Variants in TRIM36 observed in about 807,000 individuals in gnomAD.
TRIM36 encodes tripartite motif containing 36, also known as E3 ubiquitin-protein ligase TRIM36.
A neutral mutation model predicts 72.4 loss-of-function variants in TRIM36; 42 were observed. The ratio of observed to expected loss-of-function variants is 0.58; its 90% confidence interval spans 0.45 to 0.75. The LOEUF is 0.75. Ranked by LOEUF, TRIM36 falls within the 30% of genes least tolerant of loss-of-function variation. TRIM36 has a pLI of 0.00. For synonymous variants in TRIM36, 315 were observed against 282.8 expected, an observed-to-expected ratio of 1.11 and a Z score of -1.14; for missense variants, 913 against 857.1, an observed-to-expected ratio of 1.07 and a Z score of -0.81.
intron 7 of TRIM36, 75 bp from the exon 8 acceptor site, chr5:115,134,222 G>A: frequency 7.3e-7 from 1 of 1,361,438 alleles, no homozygotes; most frequent in Non-Finnish European, 9.7e-7. Flanking sequence ...TCAATAAAAT[G>A]ACATATAAAC....
chr5:115,160,687 T>C (rs1279668187), intron 2 of TRIM36, among the ~76,000 whole-genome samples: 1 of 152,106 alleles, frequency 6.6e-6, no homozygotes, highest in Non-Finnish European at 1.5e-5. Context: ...AAAAAAATTT[T>C]TTAATTAGCA....
intron 1 of TRIM36, 56 bp from the exon 2 acceptor site, chr5:115,163,808 T>G: frequency 1.6e-6 from 2 of 1,277,042 alleles, no homozygotes; most frequent in Non-Finnish European, 2.3e-6. Context: ...ATATTAACAT[T>G]CTTATACCTC....
chr5:115,177,879 AAG>A (rs1230389113), intron 1 of TRIM36: 5 of 1,613,744 alleles, frequency 3.1e-6, no homozygotes, highest in Admixed American at 3.3e-5. Context: ...AAGCCTAGTG[AAG>A]AGAGAGACAG....
intron 2 of TRIM36, among the ~76,000 whole-genome samples, chr5:115,160,912 C>T (rs1003003213): frequency 6.6e-6 from 1 of 151,964 alleles, no homozygotes; most frequent in Admixed American, 6.5e-5. Flanking sequence ...GAATATTACT[C>T]ATGAATCTAC....
intron 9 of TRIM36, among the ~76,000 whole-genome samples, chr5:115,128,301 G>A (rs1179805482): frequency 6.6e-6 from 1 of 151,006 alleles, no homozygotes; most frequent in Non-Finnish European, 1.5e-5. Flanking sequence ...CCCAGGAGGT[G>A]GAGGTTGTGG....
At chr5:115,140,718 G>T (rs1371129336) in intron 5 of TRIM36, among the ~76,000 whole-genome samples, 1 of 152,102 alleles carries the variant, frequency 6.6e-6, no homozygotes, top group Admixed American at 6.5e-5. Flanking sequence ...TAATCTACCT[G>T]CTGTGTGCAG....
Position 115,147,304 on chromosome 5 carries a change from T to C in TRIM36, c.353A>G (p.Asn118Ser), listed in dbSNP as rs1043868767. 3.1e-6 allele frequency: 5 copies of C among 1,614,206 alleles called. No homozygotes were observed. The highest frequency in any genetic ancestry group is 1.7e-5 in the Admixed American group (1 of 60,024). The change falls in exon 3 of 10, where the codon AAT becomes AGT. Residue 118 changes from asparagine to serine, a missense_variant. Transcript: ENST00000513154. ...HDVDLGERGI[N>S]GLFRNFTLET... is the part of the protein sequence containing the mutation. Reference sequence around the variant, plus strand: ...CAAAGTGAAGTTTCGAAACAGACCATTGATTCCTCGTTCTCCAAGATCCAC... The same window carrying C: ...CAAAGTGAAGTTTCGAAACAGACCACTGATTCCTCGTTCTCCAAGATCCAC...
chr5:115,163,608 C>T lies in TRIM36; in HGVS notation c.172G>A (p.Asp58Asn), dbSNP rs267600321. 30 of 1,614,148 alleles carry T rather than the reference C, an allele frequency of 1.9e-5. No individual in the cohort carries two copies. The South Asian group carries it at 1.9e-4, about 10-fold the overall frequency. ...TGATTGGAGTTGTCTGATCCCACAT[C>T]GTTGAATGAATCATCGAGAGTCAGC... ...LLLTLDDSFN[D>N]VGSDNSNQSS... The change falls in exon 2 of 10, where the codon GAT (aspartate) becomes AAT (asparagine). Residue 58 changes from aspartate (D) to asparagine (N), a missense_variant. Asp to Asn is a conservative substitution (Grantham distance 23). Coordinates refer to ENST00000513154, the MANE Select transcript of TRIM36 (RefSeq NM_001300759.2).
At chr5:115,178,338 C>T (rs1364462819) in intron 1 of TRIM36, among the ~76,000 whole-genome samples, 4 of 152,198 alleles carry the variant, frequency 2.6e-5, no homozygotes, top group Non-Finnish European at 4.4e-5. Flanking sequence ...CTCCCTGCCC[C>T]CTAGCCCCTC....
intron 1 of TRIM36, chr5:115,177,947 T>A: frequency 6.6e-7 from 1 of 1,518,352 alleles, no homozygotes; most frequent in Non-Finnish European, 9.1e-7. Flanking sequence ...GTTTGTGTTT[T>A]TTCATTATAG....
intron 2 of TRIM36, among the ~76,000 whole-genome samples, chr5:115,154,200 AG>A (rs1440668786): frequency 2.6e-5 from 4 of 152,202 alleles, no homozygotes; most frequent in African/African-American, 9.6e-5. Flanking sequence ...CTAAGACGAA[AG>A]TTCACAGCCC....
intron 2 of TRIM36, among the ~76,000 whole-genome samples, chr5:115,151,219 G>A (rs1296857357): frequency 2.6e-5 from 4 of 152,154 alleles, no homozygotes; most frequent in Non-Finnish European, 5.9e-5. Flanking sequence ...TGGCCCTTTG[G>A]ACTGTGTGGG....
chr5:115,147,124 C>A lies in TRIM36; in HGVS notation c.533G>T (p.Gly178Val), dbSNP rs761548160. The change falls in exon 3 of 10, where the codon GGT becomes GTT. Residue 178 changes from glycine to valine, a missense_variant. Transcript: ENST00000513154. ...ATACTCATGTTGAGCTTTTATAGTA[C>A]CCCAAGGGTGATGAATTTTGAAGCA... ...NECFKIHHPWGTIKAQHEYVG... is the reference protein window; with the variant it reads ...NECFKIHHPWVTIKAQHEYVG... 6.2e-7 allele frequency: 1 copy of A among 1,614,152 alleles called. No individual in the cohort carries two copies. Among genetic ancestry groups the A allele is most frequent in the South Asian group, 1.1e-5 (1 of 91,078 alleles).
chr5:115,169,539 A>C (rs1754977728), intron 1 of TRIM36, 69 bp downstream of exon 1: 1 of 1,462,924 alleles, frequency 6.8e-7, no homozygotes, highest in African/African-American at 1.4e-5. Context: ...CTCCCGGCGG[A>C]GGAAAGAGAA....
At chr5:115,163,421 T>G in intron 2 of TRIM36, 97 bp downstream of exon 2, 3 of 1,057,536 alleles carry the variant, frequency 2.8e-6, no homozygotes, top group Non-Finnish European at 4.2e-6. Flanking sequence ...AAATTAACTC[T>G]CAAGATGACA....
At chr5:115,127,003 A>C in intron 9 of TRIM36, 146 bp from the exon 10 acceptor site, 2 of 832,786 alleles carry the variant, frequency 2.4e-6, no homozygotes, top group Non-Finnish European at 1.8e-6. Flanking sequence ...AAAACATAAA[A>C]ATGACACATT....
At chr5:115,161,810 T>A (rs2126927939) in intron 2 of TRIM36, among the ~76,000 whole-genome samples, 1 of 152,220 alleles carries the variant, frequency 6.6e-6, no homozygotes. Context: ...GAAAATCAAA[T>A]ATTTATTGTC....
chr5:115,134,775 C>G (rs1372466480), intron 7 of TRIM36, among the ~76,000 whole-genome samples: 1 of 152,168 alleles, frequency 6.6e-6, no homozygotes, highest in Non-Finnish European at 1.5e-5. Flanking sequence ...CTCCTGACCT[C>G]ATGATCTGCC....
Position 115,136,614 on chromosome 5 carries a change from AGGAAAAAAAT to A in TRIM36, c.1210+376_1210+385del, listed in dbSNP as rs1198057257. ...TGCGACACAGCGTTGCTCATAAAAG[AGGAAAAAAAT>A]GGAAAAAAAAAGTCTCTTAGTAGGA... On this transcript the variant is annotated intron_variant, in intron 7 of 9. Transcript: ENST00000513154. Among the ~76,000 whole-genome samples, 8 of 152,282 alleles carry A rather than the reference AGGAAAAAAAT, an allele frequency of 5.3e-5. No individual in the cohort carries two copies. The East Asian group carries it at 1.4e-3, about 26-fold the overall frequency.
Sources: allele counts gnomAD v4.1 joint callset (sites outside exome capture counted in the v4.1 genomes callset), GRCh38; gene constraint gnomAD v4.1.1; transcripts MANE v1.5; gene names NCBI Gene and HGNC (gene_info 2026-07-23, HGNC 2026-07-21).